Variants in ACER3 observed in about 807,000 individuals in gnomAD.
ACER3 encodes the protein alkaline ceramidase 3.
A neutral mutation model predicts 48.9 loss-of-function variants in ACER3; 16 were observed. That is an observed-to-expected ratio of 0.33 (90% confidence interval 0.22 to 0.50). The LOEUF is 0.50. Among genes scored for constraint, ACER3 ranks in the 20% least tolerant of loss-of-function variants. The pLI is 0.98. For missense variants in ACER3, 227 were observed against 326.0 expected, an observed-to-expected ratio of 0.70 and a Z score of 2.34; for synonymous variants, 109 against 107.8, an observed-to-expected ratio of 1.01 and a Z score of -0.07.
At chr11:76,903,760 C>T (rs4945118) in intron 1 of ACER3, among the ~76,000 whole-genome samples, 89,947 of 151,842 alleles carry the variant, frequency 0.59, 28,936 homozygotes, top group Non-Finnish European at 0.74. Flanking sequence ...AATATTTCTT[C>T]GACATATTTT....
chr11:76,892,322 T>C (rs10899304), intron 1 of ACER3, among the ~76,000 whole-genome samples: 16,050 of 152,238 alleles, frequency 0.11, 1,059 homozygotes, highest in East Asian at 0.35. Context: ...CCCTGTGTTT[T>C]TTCCACTTTC....
chr11:76,919,016 G>A (rs1668149092), intron 1 of ACER3, among the ~76,000 whole-genome samples: 1 of 152,258 alleles, frequency 6.6e-6, no homozygotes, highest in Admixed American at 6.5e-5. Context: ...GTTGCTTTCA[G>A]GCTCAAACCA....
intron 1 of ACER3, among the ~76,000 whole-genome samples, chr11:76,884,643 T>C (rs73507833): frequency 0.052 from 7,865 of 152,306 alleles, 651 homozygotes; most frequent in African/African-American, 0.18. Context: ...GATTTGTTTA[T>C]TTTCTTCATT....
At chr11:76,886,859 G>A (rs1051928058) in intron 1 of ACER3, among the ~76,000 whole-genome samples, 2 of 152,142 alleles carry the variant, frequency 1.3e-5, no homozygotes, top group East Asian at 2.0e-4. Context: ...TGTATTTTTT[G>A]TAGAGACGGG....
At chr11:76,863,336 C>T (rs1944989137) in intron 1 of ACER3, among the ~76,000 whole-genome samples, 1 of 152,208 alleles carries the variant, frequency 6.6e-6, no homozygotes, top group African/African-American at 2.4e-5. Context: ...TGGGAAATGA[C>T]ATTTGTTCTC....
intron 6 of ACER3, chr11:76,998,450 A>AGAAGAGAGGAGC: frequency 6.7e-6 from 2 of 300,280 alleles, no homozygotes; most frequent in Non-Finnish European, 1.2e-5. Flanking sequence ...GGAGCTAAAG[A>AGAAGAGAGGAGC]TTATGAGGCA....
chr11:76,969,886 G>A (rs1187500853), intron 3 of ACER3, among the ~76,000 whole-genome samples: 1 of 151,248 alleles, frequency 6.6e-6, no homozygotes, highest in African/African-American at 2.4e-5. Flanking sequence ...CATGGCACAT[G>A]TATACATATG....
At position 77,022,678 on chromosome 11, in the gene ACER3, C is replaced by T. The variant is rs1555024738; in HGVS notation, c.*2351C>T. Reference sequence around the variant, plus strand: ...TTGAATTCCTCACTACCCCCTCCCGCTGTCATTTGTTTTATTGGAAAACTT... The same window carrying T: ...TTGAATTCCTCACTACCCCCTCCCGTTGTCATTTGTTTTATTGGAAAACTT... On this transcript the variant is annotated 3_prime_UTR_variant, in exon 11 of 11. Transcript: ENST00000532485. 6.5e-6 allele frequency: 1 copy of T among 154,138 alleles called. No individual in the cohort carries two copies. Among genetic ancestry groups the T allele is most frequent in the African/African-American group, 2.4e-5 (1 of 41,528 alleles). 9.5% of individuals were successfully genotyped at this position (154,138 alleles called of 1,614,324 possible). A position where few individuals can be genotyped will look rare whatever the true frequency, so the allele number is the denominator to read the frequency against.
intron 1 of ACER3, among the ~76,000 whole-genome samples, chr11:76,878,061 T>C (rs527625573): frequency 1.9e-4 from 29 of 152,192 alleles, no homozygotes; most frequent in African/African-American, 7.0e-4. Flanking sequence ...AATACATTCA[T>C]TTATCCATTC....
At chr11:76,939,079 G>T (rs1160145404) in intron 2 of ACER3, among the ~76,000 whole-genome samples, 2 of 151,694 alleles carry the variant, frequency 1.3e-5, no homozygotes, top group African/African-American at 4.8e-5. Context: ...TTTAACATGT[G>T]GTATAAAAAA....
intron 3 of ACER3, among the ~76,000 whole-genome samples, chr11:76,960,236 C>T (rs1590993416): frequency 2.6e-5 from 4 of 152,038 alleles, no homozygotes; most frequent in Admixed American, 2.6e-4. Flanking sequence ...TGTGGAAACC[C>T]CGTCTCTACT....
intron 1 of ACER3, among the ~76,000 whole-genome samples, chr11:76,919,752 A>G (rs939336077): frequency 1.3e-5 from 2 of 152,182 alleles, no homozygotes; most frequent in African/African-American, 4.8e-5. Flanking sequence ...TTTAGTTTTC[A>G]GTTATAAAGA....
At chr11:76,954,859 C>G (rs1338774299) in intron 2 of ACER3, among the ~76,000 whole-genome samples, 2 of 152,146 alleles carry the variant, frequency 1.3e-5, no homozygotes, top group African/African-American at 4.8e-5. Context: ...ACCTTGGCCT[C>G]CCAAAGTCCT....
At chr11:76,893,391 G>T (rs1945855287) in intron 1 of ACER3, among the ~76,000 whole-genome samples, 1 of 152,020 alleles carries the variant, frequency 6.6e-6, no homozygotes, top group African/African-American at 2.4e-5. Context: ...ATAAGTAAAA[G>T]AAAATAAATT....
chr11:76,935,240 T>C (rs1023693407), intron 2 of ACER3, among the ~76,000 whole-genome samples: 1 of 151,846 alleles, frequency 6.6e-6, no homozygotes, highest in Non-Finnish European at 1.5e-5. Flanking sequence ...AGGATTGAAA[T>C]GGAAGACAAG....
chr11:76,985,277 A>AT (rs1293607764), intron 4 of ACER3, among the ~76,000 whole-genome samples: 1 of 151,872 alleles, frequency 6.6e-6, no homozygotes, highest in Non-Finnish European at 1.5e-5. Context: ...TAATTATTTT[A>AT]TTTTTTGTGG....
At chr11:76,889,281 T>C (rs1945749041) in intron 1 of ACER3, among the ~76,000 whole-genome samples, 1 of 149,198 alleles carries the variant, frequency 6.7e-6, no homozygotes, top group Non-Finnish European at 1.5e-5. Flanking sequence ...TGCCTCTTGG[T>C]TTTTTTTTTC....
intron 1 of ACER3, among the ~76,000 whole-genome samples, chr11:76,874,674 A>G (rs1403739002): frequency 6.6e-6 from 1 of 152,248 alleles, no homozygotes; most frequent in Non-Finnish European, 1.5e-5. Context: ...TTCCAGGATA[A>G]GAAATTCTGC....
At chr11:76,887,391 G>C (rs943649174) in intron 1 of ACER3, among the ~76,000 whole-genome samples, 1 of 152,184 alleles carries the variant, frequency 6.6e-6, no homozygotes, top group Non-Finnish European at 1.5e-5. Context: ...AGAAAGCAAA[G>C]GAGAACTCAA....
Sources: gnomAD v4.1 joint callset for allele counts (sites outside exome capture counted in the v4.1 genomes callset) on GRCh38, gnomAD v4.1.1 for gene constraint, MANE v1.5 for transcripts, NCBI Gene and HGNC (gene_info 2026-07-23, HGNC 2026-07-21) for gene names.